Variants in HERPUD1 observed in about 807,000 individuals in gnomAD.
The protein encoded by HERPUD1 is homocysteine-responsive endoplasmic reticulum-resident ubiquitin-like domain member 1 protein.
A neutral mutation model predicts 45.0 loss-of-function variants in HERPUD1; 17 were observed. The ratio of observed to expected loss-of-function variants is 0.38; its 90% confidence interval spans 0.26 to 0.57. The LOEUF is 0.57. HERPUD1 is among the 20% of genes least tolerant of loss of function. HERPUD1 has a pLI of 0.72. For missense variants in HERPUD1, 420 were observed against 490.5 expected (o/e 0.86, Z 1.36); for synonymous variants, 164 against 177.5 (o/e 0.92, Z 0.61).
intron 3 of HERPUD1, 116 bp from the exon 4 acceptor site, chr16:56,936,571 C>T: frequency 3.5e-6 from 3 of 858,328 alleles, no homozygotes; most frequent in Non-Finnish European, 3.2e-6. Context: ...AATTTTGTCA[C>T]GTTCAGAGGT....
In HERPUD1 at chr16:56,932,506, C is replaced by T. The variant is rs867070680; in HGVS notation, c.147+115C>T. 1.3e-4 allele frequency: 132 copies of T among 991,124 alleles called. No homozygotes were observed. The African/African-American group carries it at 1.7e-3, about 13-fold the overall frequency. The allele number at this position is 991,124 out of a possible 1,614,324, so 61.4% of individuals were successfully genotyped here. A position where few individuals can be genotyped will look rare whatever the true frequency, so the allele number is the denominator to read the frequency against. On this transcript the variant is annotated intron_variant, in intron 1 of 7. Transcript: ENST00000439977. ...CCTCCCGCTGACGGCTGCGATCGCT[C>T]GGCCGGTCACCTCCCCCAGGGCTGT...
Position 56,935,259 on chromosome 16 carries a change from T to C in HERPUD1, c.172T>C (p.Tyr58His), listed in dbSNP as rs781010904. ...RPRPEDQRLI[Y>H]SGKLLLDHQC... ...GCGTCCAGAGGACCAGAGGTTAATT[T>C]ATTCTGGGAAGCTGTTGTTGGATCA... The change falls in exon 2 of 8, where the codon TAT becomes CAT. Residue 58 changes from tyrosine to histidine, a missense_variant. Tyr to His is a moderately conservative substitution (Grantham distance 83). Coordinates refer to ENST00000439977, the MANE Select transcript of HERPUD1 (RefSeq NM_014685.4). The C allele has an allele frequency of 1.2e-6, 2 of 1,613,944 alleles. No individual in the cohort carries two copies. The highest frequency in any genetic ancestry group is 1.7e-6 in the Non-Finnish European group (2 of 1,179,800).
intron 4 of HERPUD1, among the ~76,000 whole-genome samples, chr16:56,938,870 G>T (rs2055887021): frequency 6.6e-6 from 1 of 152,188 alleles, no homozygotes; most frequent in African/African-American, 2.4e-5. Flanking sequence ...TGGGAGAAAT[G>T]TGGCTTTTGA....
intron 5 of HERPUD1, 125 bp downstream of exon 5, chr16:56,939,484 GCT>G (rs1393745166): frequency 1.1e-5 from 14 of 1,237,756 alleles, no homozygotes; most frequent in Non-Finnish European, 1.6e-5. Flanking sequence ...GCAGAGCCCT[GCT>G]CTGTTTGGTC....
Position 56,939,376 on chromosome 16 carries a change from A to G in HERPUD1, c.554+17A>G, listed in dbSNP as rs764523675. On this transcript the variant is annotated intron_variant, in intron 5 of 7. Coordinates refer to ENST00000439977, the MANE Select transcript of HERPUD1 (RefSeq NM_014685.4). ...CATGCAATAGTGAGTCCTTCCCGCC[A>G]TGCTGGGTGTGGCCAGGGCTCCCGG... is the stretch of plus-strand genomic sequence containing the variant. The G allele has an allele frequency of 3.7e-6, 6 of 1,613,990 alleles. No homozygotes were observed. Among genetic ancestry groups the G allele is most frequent in the Non-Finnish European group, 5.1e-6 (6 of 1,179,962 alleles).
chr16:56,942,299 C>T, intron 7 of HERPUD1, 62 bp downstream of exon 7: 1 of 1,069,810 alleles, frequency 9.3e-7, no homozygotes, highest in South Asian at 1.3e-5. Context: ...CTCCAATCCT[C>T]AACCTTTAGA....
rs1042536333 is a variant in HERPUD1, at chr16:56,932,163, G to A, written c.-82G>A. 1.9e-6 allele frequency: 3 copies of A among 1,559,492 alleles called. No homozygotes were observed. The highest frequency in any genetic ancestry group is 1.9e-5 in the Admixed American group (1 of 52,938). ...GCGCGCCCCAGAGACGTGAACTGTC[G>A]TTGCAGAGATTGCGGGCGGCTGAGA... On this transcript the variant is annotated 5_prime_UTR_variant, in exon 1 of 8. Coordinates refer to ENST00000439977, the MANE Select transcript of HERPUD1 (RefSeq NM_014685.4).
chr16:56,943,829 G>GA lies in HERPUD1; in HGVS notation c.*543dup. On this transcript the variant is annotated 3_prime_UTR_variant, in exon 8 of 8. Transcript: ENST00000439977. Reference sequence around the variant, plus strand: ...AAACTAAGGGGAACTTTGCGGAGGTGAAAACCTTTGCTGGGTTTTCTGTTC... The same window carrying GA: ...AAACTAAGGGGAACTTTGCGGAGGTGAAAAACCTTTGCTGGGTTTTCTGTTC... 1 of 208,314 alleles carries GA rather than the reference G, an allele frequency of 4.8e-6. No individual in the cohort carries two copies. The highest frequency in any genetic ancestry group is 1.0e-5 in the Non-Finnish European group (1 of 99,716). The allele number at this position is 208,314 out of a possible 1,614,324, so 12.9% of individuals were successfully genotyped here.
Position 56,943,309 on chromosome 16 carries a change from T to C in HERPUD1, c.*19T>C, listed in dbSNP as rs1194904536. 6.2e-7 allele frequency: 1 copy of C among 1,613,940 alleles called. No individual in the cohort carries two copies. Among genetic ancestry groups the C allele is most frequent in the African/African-American group, 1.3e-5 (1 of 74,934 alleles). On this transcript the variant is annotated 3_prime_UTR_variant, in exon 8 of 8. Transcript: ENST00000439977. ...AAACTGATGGTGTTTGTGCTGTAGCTGTTGGAGGCTTTGACAGGAATGGAC... is the reference window on the plus strand; with the variant it reads ...AAACTGATGGTGTTTGTGCTGTAGCCGTTGGAGGCTTTGACAGGAATGGAC...
intron 4 of HERPUD1, 64 bp from the exon 5 acceptor site, chr16:56,939,173 C>G: frequency 1.3e-6 from 2 of 1,533,982 alleles, no homozygotes; most frequent in African/African-American, 1.4e-5. Flanking sequence ...TTAATTTAAA[C>G]TTAGTTTTCA....
At chr16:56,932,580 G>C (rs189605263) in intron 1 of HERPUD1, among the ~76,000 whole-genome samples, 189 bp downstream of exon 1, 11 of 152,350 alleles carry the variant, frequency 7.2e-5, no homozygotes, top group African/African-American at 2.4e-4. Flanking sequence ...CTGTTGCCCA[G>C]TAGCCGTCAG....
At chr16:56,936,863 C>T in intron 4 of HERPUD1, 46 bp downstream of exon 4, 1 of 1,595,494 alleles carries the variant, frequency 6.3e-7, no homozygotes, top group Non-Finnish European at 8.6e-7. Context: ...ATGAATGTTC[C>T]TCGTTTGCAT....
chr16:56,935,271 C>T lies in HERPUD1; in HGVS notation c.184C>T (p.Leu62=). ...EDQRLIYSGK[L]LLDHQCLRDL... is the part of the protein sequence containing the mutation. Reference sequence around the variant, plus strand: ...CCAGAGGTTAATTTATTCTGGGAAGCTGTTGTTGGATCACCAATGTCTCAG... The same window carrying T: ...CCAGAGGTTAATTTATTCTGGGAAGTTGTTGTTGGATCACCAATGTCTCAG... Residue 62 remains leucine, a synonymous_variant, in exon 2 of 8, where the codon CTG becomes TTG. Transcript: ENST00000439977. 1.9e-6 allele frequency: 3 copies of T among 1,613,980 alleles called. No individual in the cohort carries two copies. The highest frequency in any genetic ancestry group is 2.5e-6 in the Non-Finnish European group (3 of 1,179,848).
rs1233581217 is a variant in HERPUD1, at chr16:56,932,375, T to C, written c.131T>C (p.Val44Ala). ...CACCTCAAGGCCCACCTGAGCCGCG[T>C]CTACCCCGAGCGTCCGGTGAGAGCG... is the stretch of plus-strand genomic sequence containing the variant. ...VGHLKAHLSR[V>A]YPERPRPEDQ... is the part of the protein sequence containing the mutation. Residue 44 changes from valine (V) to alanine (A), a missense_variant, in exon 1 of 8, where the codon GTC (valine) becomes GCC (alanine). Physicochemically the swap from Val to Ala is moderately conservative, Grantham distance 64. Coordinates refer to ENST00000439977, the MANE Select transcript of HERPUD1 (RefSeq NM_014685.4). The C allele has an allele frequency of 8.2e-6, 13 of 1,591,192 alleles. No individual in the cohort carries two copies. The highest frequency in any genetic ancestry group is 3.5e-5 in the Admixed American group (2 of 57,566).
intron 1 of HERPUD1, among the ~76,000 whole-genome samples, chr16:56,934,107 C>T (rs190103434): frequency 6.1e-4 from 93 of 152,308 alleles, no homozygotes; most frequent in African/African-American, 2.2e-3. Flanking sequence ...AGCTACTTGG[C>T]AGGAACACCT....
rs143359583 is a variant in HERPUD1 at position 56,942,194 on chromosome 16, C to G, written c.968C>G (p.Pro323Arg). 3.1e-6 allele frequency: 5 copies of G among 1,613,966 alleles called. No individual in the cohort carries two copies. Among genetic ancestry groups the G allele is most frequent in the African/African-American group, 2.7e-5 (2 of 74,904 alleles). ...RPVQNFPNDG[P>R]PPDVVNQDPN... ...GTTCAGAACTTCCCAAATGATGGTC[C>G]TCCTCCTGACGTTGTAAATCAGGAC... Residue 323 changes from proline to arginine, a missense_variant, in exon 7 of 8, where the codon CCT (proline) becomes CGT (arginine). Physicochemically the swap from Pro to Arg is moderately radical, Grantham distance 103. Coordinates refer to ENST00000439977, the MANE Select transcript of HERPUD1 (RefSeq NM_014685.4).
At chr16:56,942,607 C>T (rs976821229) in intron 7 of HERPUD1, among the ~76,000 whole-genome samples, 5 of 152,130 alleles carry the variant, frequency 3.3e-5, no homozygotes, top group Non-Finnish European at 7.4e-5. Context: ...GTAATCCCAG[C>T]GCTTTGGGAG....
chr16:56,936,757 G>A lies in HERPUD1; in HGVS notation c.371G>A (p.Gly124Asp), dbSNP rs150079999. 5.0e-6 allele frequency: 8 copies of A among 1,614,022 alleles called. No homozygotes were observed. The African/African-American group carries it at 1.1e-4, about 22-fold the overall frequency. ...TATCCTGAGGATTCCTCAAGTGATGGTTTAAGGCAAAGGGAAGTTCTTCGG... is the reference window on the plus strand; with the variant it reads ...TATCCTGAGGATTCCTCAAGTGATGATTTAAGGCAAAGGGAAGTTCTTCGG... ...GQYPEDSSSD[G>D]LRQREVLRNL... The change falls in exon 4 of 8, where the codon GGT becomes GAT. Residue 124 changes from glycine to aspartate, a missense_variant. Physicochemically the swap from Gly to Asp is moderately conservative, Grantham distance 94 (BLOSUM62 -1). Coordinates refer to ENST00000439977, the MANE Select transcript of HERPUD1 (RefSeq NM_014685.4).
In HERPUD1 at chr16:56,935,303, G is replaced by A. The variant is rs1430687859; in HGVS notation, c.216G>A (p.Leu72=). The A allele has an allele frequency of 1.9e-6, 3 of 1,613,774 alleles. No individual in the cohort carries two copies. The Admixed American group carries it at 5.0e-5, about 27-fold the overall frequency. ...LLLDHQCLRD[L]LPKQEKRHVL... is the part of the protein sequence containing the mutation. ...TGGATCACCAATGTCTCAGGGACTT[G>A]CTTCCAAAGGTACATCACTTACACA... The change falls in exon 2 of 8, where the codon TTG becomes TTA. Residue 72 remains leucine, a synonymous_variant. Transcript: ENST00000439977.
Sources: allele counts gnomAD v4.1 joint callset (sites outside exome capture counted in the v4.1 genomes callset), GRCh38; gene constraint gnomAD v4.1.1; transcripts MANE v1.5; gene names NCBI Gene and HGNC (gene_info 2026-07-23, HGNC 2026-07-21).